The following TRHDE variants were observed in gnomAD, a reference collection of about 807,000 sequenced individuals.
TRHDE encodes thyrotropin releasing hormone degrading enzyme.
In TRHDE, 72 loss-of-function variants were observed where a neutral mutation model predicts 125.7. That is an observed-to-expected ratio of 0.57 (90% CI 0.47 to 0.70). The LOEUF is 0.70. Ranked by LOEUF, TRHDE falls within the 30% of genes least tolerant of loss-of-function variation. The pLI is 0.00. For missense variants in TRHDE, 1,110 were observed against 1,327.1 expected (o/e 0.84, Z 2.54); for synonymous variants, 509 against 509.1 (o/e 1.00, Z 0.00).
Position 72,540,286 on chromosome 12 carries a change from AAT to A in TRHDE, c.1723-2001_1723-2000del, listed in dbSNP as rs1029526080. On this transcript the variant is annotated intron_variant, in intron 6 of 18. Coordinates refer to ENST00000261180, the MANE Select transcript of TRHDE (RefSeq NM_013381.3). ...TTTCTAAAACTTAATTGAGTTATAC[AAT>A]ATAATATAATCAGGAGCTAAGTGAT... Among the ~76,000 whole-genome samples, 6 of 151,772 alleles carry A rather than the reference AAT, an allele frequency of 4.0e-5. No homozygotes were observed. The Admixed American group carries it at 4.0e-4, about 10-fold the overall frequency.
chr12:72,117,107 T>G (rs1875463052), intron 2 of TRHDE, among the ~76,000 whole-genome samples: 1 of 152,172 alleles, frequency 6.6e-6, no homozygotes, highest in Admixed American at 6.6e-5. Context: ...ATCCCATTTT[T>G]CCATTTTTTC....
At chr12:72,441,236 T>A (rs781602600) in intron 3 of TRHDE, among the ~76,000 whole-genome samples, 4 of 151,940 alleles carry the variant, frequency 2.6e-5, no homozygotes, top group Admixed American at 6.6e-5. Flanking sequence ...TGACTATAAA[T>A]GATGATTTGC....
intron 6 of TRHDE, among the ~76,000 whole-genome samples, chr12:72,531,779 C>A (rs140304533): frequency 3.9e-5 from 6 of 152,182 alleles, no homozygotes; most frequent in African/African-American, 7.2e-5. Context: ...TCACAGATAT[C>A]AGTATTGGTA....
chr12:72,605,405 TTTCAG>T (rs1872397522), intron 12 of TRHDE, among the ~76,000 whole-genome samples: 1 of 152,112 alleles, frequency 6.6e-6, no homozygotes. Context: ...CCTTTATTTC[TTTCAG>T]TTACTATTTA....
chr12:72,598,393 A>G (rs1420212798), intron 12 of TRHDE, among the ~76,000 whole-genome samples: 26 of 152,156 alleles, frequency 1.7e-4, no homozygotes, highest in Non-Finnish European at 2.9e-5. Context: ...TGTTTGATTT[A>G]TATTATTGAT....
chr12:72,273,208 C>A lies in TRHDE; in HGVS notation c.565C>A (p.His189Asn). The change falls in exon 1 of 19, where the codon CAC (histidine) becomes AAC (asparagine). Residue 189 changes from histidine (H) to asparagine (N), a missense_variant. His to Asn is a moderately conservative substitution (Grantham distance 68). Transcript: ENST00000261180. This position sits in a 1 kb window ranked among gnomAD's most constrained non-coding sequence, Gnocchi z 5.3. ...EPWTQLRLSG[H>N]LKPLHYNLML... ...GTGGACGCAGCTGCGCCTGTCGGGC[C>A]ACCTGAAGCCGCTGCACTACAATCT... The A allele has an allele frequency of 6.2e-7, 1 of 1,604,166 alleles. No homozygotes were observed. The highest frequency in any genetic ancestry group is 8.5e-7 in the Non-Finnish European group (1 of 1,172,622).
At chr12:72,244,569 T>TTGATTGATTAAAAATTTTAG (rs1878539894) in intron 2 of TRHDE, among the ~76,000 whole-genome samples, 1 of 152,080 alleles carries the variant, frequency 6.6e-6, no homozygotes, top group East Asian at 1.9e-4. Context: ...TATTTATGAT[T>TTGATTGATTAAAAATTTTAG]TGATTGATTA....
At chr12:72,276,382 C>G (rs1879488688) in intron 1 of TRHDE, among the ~76,000 whole-genome samples, 2 of 152,158 alleles carry the variant, frequency 1.3e-5, no homozygotes, top group Admixed American at 6.5e-5. Flanking sequence ...TCATATTGAG[C>G]AACTTGAAAT....
chr12:72,211,157 C>T (rs2139361828), intron 2 of TRHDE, among the ~76,000 whole-genome samples: 1 of 152,212 alleles, frequency 6.6e-6, no homozygotes, highest in South Asian at 2.1e-4. Context: ...TGCTTGCCAG[C>T]CCAACTCTTT....
At chr12:72,122,067 G>A (rs1450830121) in intron 2 of TRHDE, among the ~76,000 whole-genome samples, 1 of 152,020 alleles carries the variant, frequency 6.6e-6, no homozygotes, top group Non-Finnish European at 1.5e-5. Flanking sequence ...CACCAAGAAG[G>A]AGGGAGGTGG....
chr12:72,114,543 A>G (rs116748365), intron 2 of TRHDE, among the ~76,000 whole-genome samples: 1,719 of 152,284 alleles, frequency 0.011, 33 homozygotes, highest in African/African-American at 0.039. Flanking sequence ...AAAGGTCTTC[A>G]CCTTTATATT....
chr12:72,327,486 A>G (rs1393156560), intron 2 of TRHDE, among the ~76,000 whole-genome samples: 2 of 152,152 alleles, frequency 1.3e-5, no homozygotes, highest in Non-Finnish European at 2.9e-5. Flanking sequence ...GAATCATTAC[A>G]ATTAAATGGA....
intron 15 of TRHDE, among the ~76,000 whole-genome samples, chr12:72,638,462 T>C (rs1873869452): frequency 1.3e-5 from 2 of 151,050 alleles, no homozygotes; most frequent in African/African-American, 4.8e-5. Flanking sequence ...TTATCCAATT[T>C]GCCAGTCTGT....
Position 72,233,026 on chromosome 12 carries a change from G to A in TRHDE, n.279+127274G>A, listed in dbSNP as rs151330596. Among the ~76,000 whole-genome samples, 350 of 152,206 alleles carry A rather than the reference G, an allele frequency of 2.3e-3. 1 individual carries two copies. The highest frequency in any genetic ancestry group is 0.02 in the Middle Eastern group (6 of 294). The stretch of plus-strand genomic sequence containing the variant: ...TGATCTTGAATAGTGCCTCTACAGG[G>A]TAAGAGCTTAATATATATTTGTTAA... On this transcript the variant is annotated intron_variant and non_coding_transcript_variant, in intron 2 of 4. Transcript: ENST00000548156.
chr12:72,303,985 G>C (rs1939710901), intron 2 of TRHDE, among the ~76,000 whole-genome samples: 1 of 152,136 alleles, frequency 6.6e-6, no homozygotes, highest in African/African-American at 2.4e-5. Context: ...GGAACCAGGT[G>C]ATGTGGCTGC....
At chr12:72,582,857 A>G (rs1170722328) in intron 12 of TRHDE, among the ~76,000 whole-genome samples, 1 of 152,156 alleles carries the variant, frequency 6.6e-6, no homozygotes, top group East Asian at 1.9e-4. Flanking sequence ...ATGCTTTATA[A>G]CTGTTGATTT....
At chr12:72,597,731 A>G (rs1044209412) in intron 12 of TRHDE, among the ~76,000 whole-genome samples, 12 of 7,302 alleles carry the variant, frequency 1.6e-3, no homozygotes, top group South Asian at 5.3e-3. Context: ...ATATATATAT[A>G]TATATATATA....
intron 2 of TRHDE, among the ~76,000 whole-genome samples, chr12:72,172,300 C>T (rs890569244): frequency 4.6e-5 from 7 of 152,182 alleles, no homozygotes; most frequent in Admixed American, 3.3e-4. Context: ...GACAGCTAAC[C>T]TTGATTCAAG....
At position 72,583,923 on chromosome 12, in the gene TRHDE, C is replaced by CTTTTT. The variant is rs1190363456; in HGVS notation, c.2321+8404_2321+8408dup. Among the ~76,000 whole-genome samples, 24 of 60,486 alleles carry CTTTTT rather than the reference C, an allele frequency of 4.0e-4. 1 individual carries two copies. The highest frequency in any genetic ancestry group is 1.1e-3 in the East Asian group (1 of 926). 39.7% of individuals were successfully genotyped at this position (60,486 alleles called of 152,430 possible). ...GCTTGTGGCTCTAAAGGATGACAAA[C>CTTTTT]TTTTTTTTTTTTTTTTTTTTTTTTT... On this transcript the variant is annotated intron_variant, in intron 12 of 18. Transcript: ENST00000261180.
Sources: allele counts gnomAD v4.1 joint callset (sites outside exome capture counted in the v4.1 genomes callset), GRCh38; gene constraint gnomAD v4.1.1; non-coding constraint Gnocchi (gnomAD v3.1); transcripts MANE v1.5; gene names NCBI Gene and HGNC (gene_info 2026-07-23, HGNC 2026-07-21).